ATXN7L1: variants seen among roughly 807,000 people sequenced by gnomAD.
The protein encoded by ATXN7L1 is ataxin 7 like 1.
In ATXN7L1, 15 loss-of-function variants were observed where a neutral mutation model predicts 70.8. The observed-to-expected ratio is 0.21, with a 90% CI of 0.14 to 0.33. The LOEUF (loss-of-function observed/expected upper bound fraction) is 0.33, where lower values mean the gene tolerates loss of function less well. ATXN7L1 is among the 10% of genes least tolerant of loss of function. ATXN7L1 has a pLI of 1.00. For missense variants in ATXN7L1, 975 were observed against 1,097.1 expected (o/e 0.89, Z 1.57); for synonymous variants, 440 against 445.1 (o/e 0.99, Z 0.14).
intron 3 of ATXN7L1, among the ~76,000 whole-genome samples, chr7:105,676,779 G>T (rs991026368): frequency 2.0e-5 from 3 of 152,148 alleles, no homozygotes; most frequent in African/African-American, 7.2e-5. Flanking sequence ...GATGGAGGTA[G>T]CAATGAACCG....
At chr7:105,764,297 T>TA (rs773634140) in intron 3 of ATXN7L1, among the ~76,000 whole-genome samples, 8,419 of 143,800 alleles carry the variant, frequency 0.059, 295 homozygotes, top group African/African-American at 0.1. Flanking sequence ...TGGCAAAGCT[T>TA]AAAGAAAAAA....
intron 3 of ATXN7L1, among the ~76,000 whole-genome samples, chr7:105,670,963 C>A (rs1320000294): frequency 6.6e-6 from 1 of 151,876 alleles, no homozygotes; most frequent in Non-Finnish European, 1.5e-5. Flanking sequence ...AAAATTAGCC[C>A]GGCGAGGTGG....
chr7:105,634,611 C>T lies in ATXN7L1; in HGVS notation c.1202+3742G>A, dbSNP rs115858869. Among the ~76,000 whole-genome samples the T allele has an allele frequency of 5.9e-3, 897 of 152,150 alleles. 10 individuals are homozygous for T. The highest frequency in any genetic ancestry group is 0.021 in the African/African-American group (854 of 41,506). On this transcript the variant is annotated intron_variant, in intron 7 of 11. Coordinates refer to ENST00000419735, the MANE Select transcript of ATXN7L1 (RefSeq NM_020725.2). ...GCTCAAGCTACTTTCCCACTTCTGCCTTCCTAAATATTGGGATTACATACG... is the reference window on the plus strand; with the variant it reads ...GCTCAAGCTACTTTCCCACTTCTGCTTTCCTAAATATTGGGATTACATACG...
At chr7:105,742,467 T>A (rs1798120523) in intron 3 of ATXN7L1, among the ~76,000 whole-genome samples, 1 of 152,250 alleles carries the variant, frequency 6.6e-6, no homozygotes, top group Non-Finnish European at 1.5e-5. Flanking sequence ...ATTATGTGTG[T>A]ACTATGCTTA....
At chr7:105,616,391 C>A (rs868468949) in intron 9 of ATXN7L1, among the ~76,000 whole-genome samples, 1 of 152,164 alleles carries the variant, frequency 6.6e-6, no homozygotes, top group Admixed American at 6.5e-5. Flanking sequence ...TTTGGTGGAG[C>A]CTGTGGCATC....
rs576036633 is a variant in ATXN7L1 at position 105,749,791 on chromosome 7, C to T, written c.355+38813G>A. ...CTTGGCAGGTCTCAGGTAGGGTCTC[C>T]ACTTCTTTATTTCAAAAAGCTTCAG... On this transcript the variant is annotated intron_variant, in intron 3 of 11. Transcript: ENST00000419735. Among the ~76,000 whole-genome samples the T allele has an allele frequency of 4.6e-5, 7 of 151,936 alleles. No homozygotes were observed. The East Asian group carries it at 1.2e-3, about 25-fold the overall frequency.
intron 3 of ATXN7L1, among the ~76,000 whole-genome samples, chr7:105,727,276 G>A (rs1795923814): frequency 6.6e-6 from 1 of 152,140 alleles, no homozygotes; most frequent in Non-Finnish European, 1.5e-5. Flanking sequence ...TATTACTCAC[G>A]AAGCAGACAG....
At chr7:105,725,179 G>A (rs1459501552) in intron 3 of ATXN7L1, among the ~76,000 whole-genome samples, 4 of 152,150 alleles carry the variant, frequency 2.6e-5, no homozygotes, top group Admixed American at 6.5e-5. Context: ...TGTTAACAGG[G>A]CAAACAAGGT....
At chr7:105,624,662 A>C (rs964619980) in intron 7 of ATXN7L1, among the ~76,000 whole-genome samples, 4 of 151,482 alleles carry the variant, frequency 2.6e-5, no homozygotes, top group African/African-American at 9.7e-5. Context: ...AAAAAAAAAA[A>C]AAAACAGCCT....
At chr7:105,629,627 T>G (rs1329699559) in intron 7 of ATXN7L1, among the ~76,000 whole-genome samples, 2 of 151,412 alleles carry the variant, frequency 1.3e-5, no homozygotes, top group Non-Finnish European at 2.9e-5. Context: ...GTGATTCTCC[T>G]GCCTCAGCCT....
chr7:105,727,777 T>TATATATACACAC (rs1462125950), intron 3 of ATXN7L1, among the ~76,000 whole-genome samples: 9 of 90,246 alleles, frequency 1.0e-4, no homozygotes, highest in Non-Finnish European at 1.4e-4. Context: ...TATATATATA[T>TATATATACACAC]ACACACACAT....
chr7:105,620,634 C>T (rs904811710), intron 8 of ATXN7L1, among the ~76,000 whole-genome samples: 1 of 152,120 alleles, frequency 6.6e-6, no homozygotes, highest in Admixed American at 6.5e-5. Context: ...GTGGCTCATG[C>T]CTATATTGCC....
At chr7:105,804,369 C>A (rs1234213943) in intron 2 of ATXN7L1, among the ~76,000 whole-genome samples, 1 of 152,144 alleles carries the variant, frequency 6.6e-6, no homozygotes, top group Admixed American at 6.5e-5. Context: ...GGGTGAAGAG[C>A]CAGCATAACC....
intron 2 of ATXN7L1, among the ~76,000 whole-genome samples, chr7:105,833,836 A>C (rs1227630813): frequency 6.6e-6 from 1 of 152,236 alleles, no homozygotes; most frequent in Non-Finnish European, 1.5e-5. Context: ...ATGATAAAAC[A>C]AATATAATAA....
intron 3 of ATXN7L1, among the ~76,000 whole-genome samples, chr7:105,714,821 C>A (rs528161530): frequency 3.3e-5 from 5 of 152,284 alleles, no homozygotes; most frequent in Non-Finnish European, 5.9e-5. Flanking sequence ...CACCAGCAAA[C>A]ACAGCTACTT....
At chr7:105,741,003 A>G (rs543470939) in intron 3 of ATXN7L1, among the ~76,000 whole-genome samples, 1 of 151,854 alleles carries the variant, frequency 6.6e-6, no homozygotes, top group Non-Finnish European at 1.5e-5. Flanking sequence ...TGACCTCGTG[A>G]TCTGCCCGCC....
intron 4 of ATXN7L1, among the ~76,000 whole-genome samples, chr7:105,655,276 G>T (rs531906605): frequency 6.6e-6 from 1 of 152,208 alleles, no homozygotes; most frequent in South Asian, 2.1e-4. Flanking sequence ...GCCCCCAGCC[G>T]CAGCCCCCAC....
At chr7:105,819,814 C>A in intron 2 of ATXN7L1, 1 of 640,384 alleles carries the variant, frequency 1.6e-6, no homozygotes, top group South Asian at 1.4e-5. Flanking sequence ...TGACGGCATC[C>A]CACCGCCCTA....
chr7:105,649,961 C>T (rs1799606301), intron 4 of ATXN7L1, among the ~76,000 whole-genome samples: 1 of 152,168 alleles, frequency 6.6e-6, no homozygotes, highest in African/African-American at 2.4e-5. Flanking sequence ...CTTAGAAGGG[C>T]CATATCACCC....
Sources: allele counts gnomAD v4.1 joint callset (sites outside exome capture counted in the v4.1 genomes callset), GRCh38; gene constraint gnomAD v4.1.1; transcripts MANE v1.5; gene names NCBI Gene and HGNC (gene_info 2026-07-23, HGNC 2026-07-21).